The following PCDHGB2 variants were observed in gnomAD, a reference collection of about 807,000 sequenced individuals.
PCDHGB2 encodes protocadherin gamma subfamily B, 2.
Under a neutral mutation model 59.3 loss-of-function variants are expected in PCDHGB2, and 55 were observed. That is an observed-to-expected ratio of 0.93 (90% CI 0.75 to 1.16). The LOEUF is 1.16. Among genes scored for constraint, PCDHGB2 ranks in the 50% most tolerant of loss-of-function variants. PCDHGB2 has a pLI of 0.00. For missense variants in PCDHGB2, 1,228 were observed against 1,198.5 expected (o/e 1.02, Z -0.36); for synonymous variants, 516 against 512.0 (o/e 1.01, Z -0.11).
rs2099694919 is a variant in PCDHGB2, at chr5:141,490,016, C to T, written c.2422-4791C>T. The T allele has an allele frequency of 6.2e-7, 1 of 1,614,158 alleles. No individual in the cohort carries two copies. The highest frequency in any genetic ancestry group is 8.5e-7 in the Non-Finnish European group (1 of 1,180,060). On this transcript the variant is annotated intron_variant, in intron 1 of 3. Transcript: ENST00000522605. This position sits in a 1 kb window ranked among gnomAD's most constrained non-coding sequence, Gnocchi z 5.4. ...ATCCCAGAGAATGCACCCATTGGTACTCTGCTGCTCCGCCTCAATGCCACT... is the reference window on the plus strand; with the variant it reads ...ATCCCAGAGAATGCACCCATTGGTATTCTGCTGCTCCGCCTCAATGCCACT...
At chr5:141,364,779 C>T (rs1036037278) in intron 1 of PCDHGB2, 1 of 1,613,980 alleles carries the variant, frequency 6.2e-7, no homozygotes, top group East Asian at 2.2e-5. Flanking sequence ...GCTGCAGGGA[C>T]ACGGTTAGTG....
chr5:141,470,748 A>C (rs1163686396), intron 1 of PCDHGB2, among the ~76,000 whole-genome samples: 1 of 152,106 alleles, frequency 6.6e-6, no homozygotes. Flanking sequence ...CCCTGGCTGG[A>C]GTGCAGTGGA....
intron 1 of PCDHGB2, chr5:141,383,675 C>G: frequency 6.2e-7 from 1 of 1,614,006 alleles, no homozygotes; most frequent in Non-Finnish European, 8.5e-7. Flanking sequence ...CCAGTGGGTA[C>G]AAGACTGCTC....
Position 141,486,740 on chromosome 5 carries a change from T to G in PCDHGB2, c.2422-8067T>G. Reference sequence around the variant, plus strand: ...AGGAGCTGTTCATGCTACTCGATCCTTTGACTATGAGCAAACCCAGACACT... The same window carrying G: ...AGGAGCTGTTCATGCTACTCGATCCGTTGACTATGAGCAAACCCAGACACT... On this transcript the variant is annotated intron_variant, in intron 1 of 3. Transcript: ENST00000522605. This position sits in a 1 kb window ranked among gnomAD's most constrained non-coding sequence, Gnocchi z 5.0. 6.2e-7 allele frequency: 1 copy of G among 1,614,234 alleles called. No individual in the cohort carries two copies. The highest frequency in any genetic ancestry group is 8.5e-7 in the Non-Finnish European group (1 of 1,180,046).
intron 1 of PCDHGB2, chr5:141,418,347 G>C: frequency 6.2e-7 from 1 of 1,614,024 alleles, no homozygotes; most frequent in Non-Finnish European, 8.5e-7. Context: ...CCTGATATTA[G>C]TATGAATTCG....
At chr5:141,404,266 C>T in intron 1 of PCDHGB2, 1 of 1,613,980 alleles carries the variant, frequency 6.2e-7, no homozygotes. Flanking sequence ...AAATTCACAT[C>T]ACCCTGCAAG....
intron 1 of PCDHGB2, chr5:141,371,955 GA>G: frequency 6.2e-7 from 1 of 1,613,258 alleles, no homozygotes; most frequent in Non-Finnish European, 8.5e-7. Flanking sequence ...GCGAGCCTTC[GA>G]CCACGAGCAG....
At chr5:141,473,944 CTGTA>C (rs2099333270) in intron 1 of PCDHGB2, among the ~76,000 whole-genome samples, 2 of 152,156 alleles carry the variant, frequency 1.3e-5, no homozygotes, top group Non-Finnish European at 2.9e-5. Context: ...TAGCTCAGGC[CTGTA>C]GTCCCATCTA....
At chr5:141,502,866 C>CTTTTTTTT (rs549047197) in intron 2 of PCDHGB2, among the ~76,000 whole-genome samples, 38,988 of 127,080 alleles carry the variant, frequency 0.31, 7,978 homozygotes, top group African/African-American at 0.51. Flanking sequence ...GACTCTCTGT[C>CTTTTTTTT]TTTTTTTTTT....
At chr5:141,364,827 C>T in intron 1 of PCDHGB2, 1 of 1,613,996 alleles carries the variant, frequency 6.2e-7, no homozygotes, top group Non-Finnish European at 8.5e-7. Flanking sequence ...GGTGTGAACT[C>T]TCTCCGGAGT....
intron 1 of PCDHGB2, chr5:141,418,610 C>T: frequency 6.2e-7 from 1 of 1,614,054 alleles, no homozygotes; most frequent in Non-Finnish European, 8.5e-7. Context: ...CAGGGTTAGC[C>T]TTCGGGAAGA....
chr5:141,362,563 T>C lies in PCDHGB2; in HGVS notation c.2421+7T>C. 1 of 1,608,274 alleles carries C rather than the reference T, an allele frequency of 6.2e-7. No homozygotes were observed. Among genetic ancestry groups the C allele is most frequent in the Non-Finnish European group, 8.5e-7 (1 of 1,177,228 alleles). On this transcript the variant is annotated splice_region_variant and intron_variant, in intron 1 of 3. Transcript: ENST00000522605. ...CTCAGATACTATTTTGAAGGTGAGCTTTAATTAATTTATTTTCACTTCTGG... is the reference window on the plus strand; with the variant it reads ...CTCAGATACTATTTTGAAGGTGAGCCTTAATTAATTTATTTTCACTTCTGG...
chr5:141,390,513 A>G lies in PCDHGB2; in HGVS notation c.2421+27957A>G. ...TTTTTAGCCAAGCTTAGATTTATAA[A>G]GCAATGAGGGTGTGGTTTTAACCAC... is the stretch of plus-strand genomic sequence containing the variant. On this transcript the variant is annotated intron_variant, in intron 1 of 3. Coordinates refer to ENST00000522605, the MANE Select transcript of PCDHGB2 (RefSeq NM_018923.3). The G allele has an allele frequency of 1.0e-5, 6 of 581,214 alleles. No homozygotes were observed. The South Asian group carries it at 1.1e-4, about 10-fold the overall frequency. The allele number at this position is 581,214 out of a possible 1,614,324, so 36.0% of individuals were successfully genotyped here.
chr5:141,497,649 C>T (rs973501351), intron 2 of PCDHGB2, among the ~76,000 whole-genome samples: 1 of 151,784 alleles, frequency 6.6e-6, no homozygotes, highest in Non-Finnish European at 1.5e-5. Context: ...AAGCGATTCT[C>T]CTGCCTCAGC....
chr5:141,489,275 A>C lies in PCDHGB2; in HGVS notation c.2422-5532A>C. On this transcript the variant is annotated intron_variant, in intron 1 of 3. Transcript: ENST00000522605. This position sits in a 1 kb window ranked among gnomAD's most constrained non-coding sequence, Gnocchi z 4.5. ...AAGACACTCCCACAGCTCGCTGGGA[A>C]ATGGCAAGTGCTGTGCATGTTGTCC... The C allele has an allele frequency of 4.5e-6, 7 of 1,556,298 alleles. No individual in the cohort carries two copies. Among genetic ancestry groups the C allele is most frequent in the Non-Finnish European group, 6.1e-6 (7 of 1,151,600 alleles).
Position 141,511,913 on chromosome 5 carries a change from A to G in PCDHGB2, c.*740A>G, listed in dbSNP as rs1190072814. On this transcript the variant is annotated 3_prime_UTR_variant, in exon 4 of 4. Coordinates refer to ENST00000522605, the MANE Select transcript of PCDHGB2 (RefSeq NM_018923.3). ...CCCCCACCTCCTCCTCAAACAAGAG[A>G]CTCCACTGCATGTTCCAAGACAGTA... is the stretch of plus-strand genomic sequence containing the variant. The G allele has an allele frequency of 6.4e-6, 1 of 156,050 alleles. No individual in the cohort carries two copies. The highest frequency in any genetic ancestry group is 2.4e-5 in the African/African-American group (1 of 41,402). The allele number at this position is 156,050 out of a possible 1,614,324, so 9.7% of individuals were successfully genotyped here.
intron 1 of PCDHGB2, chr5:141,384,872 T>C (rs773444317): frequency 1.9e-6 from 3 of 1,613,766 alleles, no homozygotes; most frequent in Non-Finnish European, 1.7e-6. Flanking sequence ...TCAGCCACCG[T>C]CACACTCACC....
chr5:141,398,125 G>C (rs1353004584), intron 1 of PCDHGB2: 1 of 1,586,808 alleles, frequency 6.3e-7, no homozygotes. Flanking sequence ...GAGAGCAAGA[G>C]GGATGGGGAG....
intron 1 of PCDHGB2, chr5:141,409,909 T>C (rs772516694): frequency 1.2e-6 from 2 of 1,613,200 alleles, no homozygotes; most frequent in African/African-American, 2.7e-5. Flanking sequence ...CTCTGGGTCC[T>C]GACGGCTCCG....
Sources: allele counts gnomAD v4.1 joint callset (sites outside exome capture counted in the v4.1 genomes callset), GRCh38; gene constraint gnomAD v4.1.1; non-coding constraint Gnocchi (gnomAD v3.1); transcripts MANE v1.5; gene names NCBI Gene and HGNC (gene_info 2026-07-23, HGNC 2026-07-21).